The following HS3ST4 variants were observed in gnomAD, a reference collection of about 807,000 sequenced individuals.
HS3ST4 encodes the protein heparan sulfate-glucosamine 3-sulfotransferase 4, also known as heparan sulfate glucosamine 3-O-sulfotransferase 4.
In HS3ST4, 17 loss-of-function variants were observed where a neutral mutation model predicts 29.2. The observed-to-expected ratio is 0.58, with a 90% CI of 0.40 to 0.87. The LOEUF (loss-of-function observed/expected upper bound fraction) is 0.87, where lower values mean the gene tolerates loss of function less well. Ranked by LOEUF, HS3ST4 falls within the 40% of genes least tolerant of loss-of-function variation. HS3ST4 has a pLI of 0.00. For missense variants in HS3ST4, 627 were observed against 634.5 expected (o/e 0.99, Z 0.13); for synonymous variants, 314 against 285.7 (o/e 1.10, Z -1.00).
chr16:26,017,924 A>G (rs1267793002), intron 1 of HS3ST4, among the ~76,000 whole-genome samples: 2 of 152,184 alleles, frequency 1.3e-5, no homozygotes, highest in Non-Finnish European at 2.9e-5. Context: ...GCAGAGAGGA[A>G]CTTCCTACAT....
At chr16:25,968,293 G>A (rs1968863283) in intron 1 of HS3ST4, among the ~76,000 whole-genome samples, 1 of 152,188 alleles carries the variant, frequency 6.6e-6, no homozygotes, top group South Asian at 2.1e-4. Context: ...CCAACACAGT[G>A]CGACATTTAA....
intron 1 of HS3ST4, among the ~76,000 whole-genome samples, chr16:25,701,278 C>G (rs1966332928): frequency 6.6e-6 from 1 of 152,170 alleles, no homozygotes; most frequent in South Asian, 2.1e-4. Context: ...GCCTTGGGCC[C>G]AGGTTGGGTC....
At chr16:25,909,032 A>G (rs1968208578) in intron 1 of HS3ST4, among the ~76,000 whole-genome samples, 1 of 152,192 alleles carries the variant, frequency 6.6e-6, no homozygotes. Flanking sequence ...GCTGAGGCTG[A>G]TGGCATCATT....
intron 1 of HS3ST4, among the ~76,000 whole-genome samples, chr16:25,814,645 A>G (rs1250845086): frequency 6.6e-6 from 1 of 152,082 alleles, no homozygotes; most frequent in Admixed American, 6.6e-5. Context: ...CGCCCGGCCT[A>G]TGTCTGTTTT....
chr16:26,060,458 T>G (rs1287029954), intron 1 of HS3ST4, among the ~76,000 whole-genome samples: 3 of 152,204 alleles, frequency 2.0e-5, no homozygotes, highest in African/African-American at 4.8e-5. Flanking sequence ...GCTGTCTGAC[T>G]TCCTGCTTCC....
intron 1 of HS3ST4, among the ~76,000 whole-genome samples, chr16:26,125,676 C>G (rs1288139982): frequency 6.6e-6 from 1 of 152,202 alleles, no homozygotes; most frequent in Admixed American, 6.5e-5. Flanking sequence ...CTTCTATGTC[C>G]TTAGTCCACC....
chr16:25,961,334 T>A (rs1968791181), intron 1 of HS3ST4, among the ~76,000 whole-genome samples: 1 of 152,202 alleles, frequency 6.6e-6, no homozygotes, highest in Non-Finnish European at 1.5e-5. Flanking sequence ...GATATGAAAA[T>A]GCTGAAAGAT....
At chr16:25,756,210 C>T (rs796183777) in intron 1 of HS3ST4, among the ~76,000 whole-genome samples, 10 of 151,726 alleles carry the variant, frequency 6.6e-5, no homozygotes, top group African/African-American at 2.4e-4. Context: ...CATGGTTGGC[C>T]CTCAAACACA....
intron 1 of HS3ST4, among the ~76,000 whole-genome samples, chr16:26,120,091 GTATA>G (rs34788561): frequency 2.7e-5 from 4 of 150,646 alleles, no homozygotes; most frequent in Admixed American, 6.7e-5. Context: ...GTGTGTGTGT[GTATA>G]TGTGTGTGAC....
rs573328522 is a variant in HS3ST4 at position 25,695,904 on chromosome 16, G to C, written c.734+2753G>C. On this transcript the variant is annotated intron_variant, in intron 1 of 1. Transcript: ENST00000331351. ...GTTTTTGTGTTTTCAGCAAGAGGGA[G>C]AGCCAAGAAGAAATTGGGGCTGCTC... Among the ~76,000 whole-genome samples the C allele has an allele frequency of 2.0e-5, 3 of 152,296 alleles. No homozygotes were observed. The South Asian group carries it at 6.2e-4, about 32-fold the overall frequency.
At chr16:25,876,701 A>C (rs1041579034) in intron 1 of HS3ST4, among the ~76,000 whole-genome samples, 3 of 151,938 alleles carry the variant, frequency 2.0e-5, no homozygotes, top group Non-Finnish European at 2.9e-5. Flanking sequence ...TCGTAAAGGA[A>C]ATTTTTTACT....
At chr16:25,893,291 T>A (rs1968028600) in intron 1 of HS3ST4, among the ~76,000 whole-genome samples, 2 of 152,190 alleles carry the variant, frequency 1.3e-5, no homozygotes, top group African/African-American at 4.8e-5. Flanking sequence ...AGTCTAGATT[T>A]TATTTTAAGC....
At chr16:25,865,707 G>T (rs1456791748) in intron 1 of HS3ST4, among the ~76,000 whole-genome samples, 1 of 152,240 alleles carries the variant, frequency 6.6e-6, no homozygotes, top group Non-Finnish European at 1.5e-5. Context: ...AAGTTGCCAA[G>T]ACCATGCAAT....
intron 1 of HS3ST4, among the ~76,000 whole-genome samples, chr16:25,814,941 A>G (rs548761811): frequency 6.6e-6 from 1 of 152,346 alleles, no homozygotes; most frequent in East Asian, 1.9e-4. Flanking sequence ...TCGCACATCC[A>G]TCTCAGGACT....
intron 1 of HS3ST4, among the ~76,000 whole-genome samples, chr16:25,831,651 C>T (rs1967302224): frequency 6.6e-6 from 1 of 151,910 alleles, no homozygotes. Flanking sequence ...TCTATATTCA[C>T]CTCCTATAAA....
At chr16:26,127,527 C>T (rs569986088) in intron 1 of HS3ST4, among the ~76,000 whole-genome samples, 39 of 152,352 alleles carry the variant, frequency 2.6e-4, no homozygotes, top group African/African-American at 8.4e-4. Flanking sequence ...CATTTCTCCT[C>T]CTGAAATCAC....
chr16:25,700,759 C>T (rs1011470576), intron 1 of HS3ST4, among the ~76,000 whole-genome samples: 1 of 152,162 alleles, frequency 6.6e-6, no homozygotes, highest in Non-Finnish European at 1.5e-5. Flanking sequence ...GAATTGCGTT[C>T]TGAAATTATA....
intron 1 of HS3ST4, among the ~76,000 whole-genome samples, chr16:26,102,586 T>C (rs987283712): frequency 6.6e-6 from 1 of 152,170 alleles, no homozygotes; most frequent in Admixed American, 6.6e-5. Flanking sequence ...CCGTTCAAGA[T>C]CGTACGTACA....
chr16:26,058,556 C>G (rs576658111), intron 1 of HS3ST4, among the ~76,000 whole-genome samples: 1 of 152,280 alleles, frequency 6.6e-6, no homozygotes, highest in Admixed American at 6.5e-5. Flanking sequence ...GGATTGTGCT[C>G]TCTCCTGCCT....
Sources: allele counts gnomAD v4.1 joint callset (sites outside exome capture counted in the v4.1 genomes callset), GRCh38; gene constraint gnomAD v4.1.1; transcripts MANE v1.5; gene names NCBI Gene and HGNC (gene_info 2026-07-23, HGNC 2026-07-21).